Variants in KDM5B observed in about 807,000 individuals in gnomAD.
KDM5B encodes the protein lysine-specific demethylase 5B.
KDM5B carries 144 observed loss-of-function variants against 193.4 expected under a neutral mutation model. The observed-to-expected ratio is 0.74, with a 90% confidence interval of 0.65 to 0.86. The LOEUF (loss-of-function observed/expected upper bound fraction) is 0.86. Among genes scored for constraint, KDM5B ranks in the 40% least tolerant of loss-of-function variants. The pLI is 0.00. For synonymous variants in KDM5B, 668 were observed against 682.6 expected (o/e 0.98, Z 0.33); for missense variants, 1,833 against 1,886.9 (o/e 0.97, Z 0.53).
intron 1 of KDM5B, among the ~76,000 whole-genome samples, chr1:202,778,975 G>A (rs1166976695): frequency 6.6e-6 from 1 of 151,984 alleles, no homozygotes; most frequent in East Asian, 1.9e-4. Context: ...TTAAGGGGTC[G>A]GGGGGCGGAA....
intron 4 of KDM5B, among the ~76,000 whole-genome samples, chr1:202,769,905 CA>C (rs1656642934): frequency 6.6e-6 from 1 of 152,036 alleles, no homozygotes; most frequent in African/African-American, 2.4e-5. Flanking sequence ...CTATTTGACA[CA>C]CAAAAGTATG....
At chr1:202,761,423 TA>T (rs898292695) in intron 7 of KDM5B, among the ~76,000 whole-genome samples, 8 of 152,126 alleles carry the variant, frequency 5.3e-5, no homozygotes, top group Admixed American at 3.3e-4. Flanking sequence ...CAGCCATCTC[TA>T]AAAAAATAAA....
chr1:202,741,433 C>G lies in KDM5B; in HGVS notation c.2879G>C (p.Arg960Pro). 6.2e-7 allele frequency: 1 copy of G among 1,605,268 alleles called. No homozygotes were observed. Among genetic ancestry groups the G allele is most frequent in the Non-Finnish European group, 8.5e-7 (1 of 1,174,522 alleles). The change falls in exon 19 of 27, where the codon CGG becomes CCG. Residue 960 changes from arginine to proline, a missense_variant. Arg to Pro is a moderately radical substitution (Grantham distance 103, BLOSUM62 -2). Around this residue, in one of 3 missense-constraint regions of KDM5B, gnomAD observed 1,379 missense variants for 1,349.6 expected, o/e 1.02. Coordinates refer to ENST00000367265, the MANE Select transcript of KDM5B (RefSeq NM_006618.5). ...PYSAVEKAMA[R>P]LQELLTVSEH... ...TGACACTGTGAGCAGTTCCTGCAGC[C>G]GGGCCATAGCTTTCTCCACTGCTGA...
intron 1 of KDM5B, chr1:202,796,997 G>A (rs1657875402): frequency 6.6e-6 from 1 of 152,248 alleles, no homozygotes; most frequent in South Asian, 2.1e-4. Flanking sequence ...TTCCTCCCTT[G>A]GATCATCAAG....
At chr1:202,790,094 T>C (rs900160290) in intron 1 of KDM5B, among the ~76,000 whole-genome samples, 23 of 151,868 alleles carry the variant, frequency 1.5e-4, no homozygotes, top group African/African-American at 5.6e-4. Context: ...AGAAACCCTG[T>C]TTCTACTAAA....
chr1:202,806,636 G>A (rs553960722), intron 1 of KDM5B: 1 of 152,118 alleles, frequency 6.6e-6, no homozygotes, highest in Non-Finnish European at 1.5e-5. Context: ...ACTAAAGTAG[G>A]TGTCCGTGTT....
At chr1:202,730,885 C>T (rs778936828) in intron 25 of KDM5B, 24 bp downstream of exon 25, 4 of 1,565,670 alleles carry the variant, frequency 2.6e-6, no homozygotes, top group East Asian at 4.5e-5. Flanking sequence ...TGTGCCTTGC[C>T]CCAGAAGCCT....
At chr1:202,800,049 T>C (rs1217747112) in intron 1 of KDM5B, among the ~76,000 whole-genome samples, 1 of 152,232 alleles carries the variant, frequency 6.6e-6, no homozygotes, top group Non-Finnish European at 1.5e-5. Context: ...ACTTTTGTTT[T>C]GTTTTTGTTT....
At chr1:202,744,384 C>T (rs910187790) in intron 16 of KDM5B, among the ~76,000 whole-genome samples, 1 of 152,178 alleles carries the variant, frequency 6.6e-6, no homozygotes. Context: ...ATGGTGAAAT[C>T]CTGTCTCTAC....
intron 5 of KDM5B, among the ~76,000 whole-genome samples, chr1:202,765,239 TAC>T (rs35986510): frequency 0.67 from 102,061 of 151,970 alleles, 36,882 homozygotes; most frequent in Admixed American, 0.82. Context: ...TATTATAAAC[TAC>T]ACACTTCTAA....
In KDM5B at chr1:202,776,927, G is replaced by A. The variant is rs1009573620; in HGVS notation, c.282+90C>T. On this transcript the variant is annotated intron_variant, in intron 2 of 26. Coordinates refer to ENST00000367265, the MANE Select transcript of KDM5B (RefSeq NM_006618.5). ...CAAATCTAAAAACAGATTTACAATG[G>A]TGATTCTGTAACAATTTTAATATAT... The A allele has an allele frequency of 4.7e-5, 40 of 855,414 alleles. No homozygotes were observed. The African/African-American group carries it at 6.6e-4, about 14-fold the overall frequency. 53.0% of individuals were successfully genotyped at this position (855,414 alleles called of 1,614,324 possible).
chr1:202,787,782 A>G (rs1379634782), intron 1 of KDM5B, among the ~76,000 whole-genome samples: 2 of 151,990 alleles, frequency 1.3e-5, no homozygotes, highest in Non-Finnish European at 2.9e-5. Context: ...AATCCCAGCT[A>G]CTTGGGAGGC....
intron 20 of KDM5B, among the ~76,000 whole-genome samples, chr1:202,740,410 G>C (rs1304713083): frequency 8.3e-6 from 1 of 120,330 alleles, no homozygotes. Flanking sequence ...GTGGGGGTCT[G>C]ACCCCCCCAC....
At position 202,742,744 on chromosome 1, in the gene KDM5B, A is replaced by G. The variant is rs756674606; in HGVS notation, c.2385T>C (p.Asp795=). 11 of 1,614,022 alleles carry G rather than the reference A, an allele frequency of 6.8e-6. No individual in the cohort carries two copies. The Admixed American group carries it at 1.7e-4, about 24-fold the overall frequency. Residue 795 remains aspartate (D), a synonymous_variant, in exon 17 of 27, where the codon GAT becomes GAC. Coordinates refer to ENST00000367265, the MANE Select transcript of KDM5B (RefSeq NM_006618.5). ...ESEMKKFPDN[D]LLRHLRLVTQ... Reference sequence around the variant, plus strand: ...TGACTAGGCGAAGGTGTCGCAAAAGATCATTGTCTGGGAATTTCTTCATTT... The same window carrying G: ...TGACTAGGCGAAGGTGTCGCAAAAGGTCATTGTCTGGGAATTTCTTCATTT...
Position 202,787,722 on chromosome 1 carries a change from T to TA in KDM5B, c.205-10629dup, listed in dbSNP as rs572469409. Among the ~76,000 whole-genome samples, 422 of 145,408 alleles carry TA rather than the reference T, an allele frequency of 2.9e-3. 2 individuals carry two copies. The highest frequency in any genetic ancestry group is 7.5e-3 in the African/African-American group (299 of 39,940). ...ACGTAGTGAAACCCTGTCTCTACTT[T>TA]AAAAAAAAAAAATACAAAAAATTAG... is the stretch of plus-strand genomic sequence containing the variant. On this transcript the variant is annotated intron_variant, in intron 1 of 26. Transcript: ENST00000367265.
intron 1 of KDM5B, among the ~76,000 whole-genome samples, chr1:202,800,865 A>G (rs1392505059): frequency 6.6e-6 from 1 of 152,270 alleles, no homozygotes; most frequent in Non-Finnish European, 1.5e-5. Flanking sequence ...GCAGCTGGTC[A>G]AGTTACTTGA....
At position 202,756,448 on chromosome 1, in the gene KDM5B, T is replaced by G. The variant is rs768235270; in HGVS notation, c.1266A>C (p.Thr422=). 2.4e-5 allele frequency: 39 copies of G among 1,613,456 alleles called. No individual in the cohort carries two copies. The highest frequency in any genetic ancestry group is 3.3e-5 in the Non-Finnish European group (39 of 1,179,616). Residue 422 remains threonine (T), a synonymous_variant, in exon 10 of 27, where the codon ACA becomes ACC. Transcript: ENST00000367265. ...RLVSTIEEDV[T]VEYGADIASK... ...AGGCAATGTCAGCTCCATATTCCAC[T>G]GTGACATCCTCCTCAATAGTGCTTA...
intron 1 of KDM5B, among the ~76,000 whole-genome samples, chr1:202,788,617 G>C (rs923292288): frequency 4.6e-5 from 7 of 152,082 alleles, no homozygotes; most frequent in African/African-American, 1.7e-4. Flanking sequence ...AAACAGGAAA[G>C]CATTATTTCT....
chr1:202,740,822 GCAAA>G lies in KDM5B; in HGVS notation c.2946-14_2946-11del, dbSNP rs572649241. ...CAATGAATGTCGTGGCCTACAAAAT[GCAAA>G]CAAAGACTTCTTAGCATTTTATATG... On this transcript the variant is annotated splice_polypyrimidine_tract_variant and intron_variant, in intron 19 of 26. Coordinates refer to ENST00000367265, the MANE Select transcript of KDM5B (RefSeq NM_006618.5). The G allele has an allele frequency of 4.1e-5, 65 of 1,601,826 alleles. No individual in the cohort carries two copies. The East Asian group carries it at 1.0e-3, about 25-fold the overall frequency.
Sources: gnomAD v4.1 joint callset for allele counts (sites outside exome capture counted in the v4.1 genomes callset) on GRCh38, gnomAD v4.1.1 for gene constraint, gnomAD v4.1.1 regional missense constraint, MANE v1.5 for transcripts, NCBI Gene and HGNC (gene_info 2026-07-23, HGNC 2026-07-21) for gene names.